Variants in MIPEP observed in about 807,000 individuals in gnomAD.
MIPEP encodes the protein mitochondrial intermediate peptidase.
MIPEP carries 79 observed loss-of-function variants against 90.3 expected under a neutral mutation model. The ratio of observed to expected loss-of-function variants is 0.87; its 90% CI spans 0.73 to 1.05. The LOEUF (loss-of-function observed/expected upper bound fraction) is 1.05, where lower values mean the gene tolerates loss of function less well. Ranked by LOEUF, MIPEP falls within the 50% of genes least tolerant of loss-of-function variation. The probability of loss-of-function intolerance (pLI) is 0.00; values close to 1 mark genes in which losing one functional copy is unlikely to be tolerated. For synonymous variants in MIPEP, 334 were observed against 315.8 expected, an observed-to-expected ratio of 1.06 and a Z score of -0.61; for missense variants, 940 against 905.6, an observed-to-expected ratio of 1.04 and a Z score of -0.49.
chr13:23,847,255 A>G (rs548445845), intron 10 of MIPEP, among the ~76,000 whole-genome samples: 2 of 152,322 alleles, frequency 1.3e-5, no homozygotes, highest in African/African-American at 4.8e-5. Flanking sequence ...CAATGAGAAC[A>G]CTACATCCCT....
At chr13:23,852,579 T>C (rs1342426787) in intron 10 of MIPEP, among the ~76,000 whole-genome samples, 1 of 152,238 alleles carries the variant, frequency 6.6e-6, no homozygotes, top group Non-Finnish European at 1.5e-5. Context: ...GTGGTGATGC[T>C]GGTGTAAACA....
intron 18 of MIPEP, among the ~76,000 whole-genome samples, chr13:23,745,936 A>G (rs910647740): frequency 2.0e-5 from 3 of 151,924 alleles, no homozygotes; most frequent in African/African-American, 7.3e-5. Context: ...TCTCAAAACA[A>G]AACAAAACAA....
At chr13:23,815,304 C>G (rs999661094) in intron 14 of MIPEP, among the ~76,000 whole-genome samples, 1 of 129,978 alleles carries the variant, frequency 7.7e-6, no homozygotes, top group African/African-American at 2.9e-5. Context: ...GAATGTACTT[C>G]CATAGTTTCC....
intron 18 of MIPEP, among the ~76,000 whole-genome samples, chr13:23,752,223 AC>A (rs1952449397): frequency 6.6e-6 from 1 of 152,232 alleles, no homozygotes; most frequent in African/African-American, 2.4e-5. Flanking sequence ...AACATAAAAC[AC>A]AAAAAGACCA....
intron 16 of MIPEP, among the ~76,000 whole-genome samples, chr13:23,774,504 C>A (rs1356549347): frequency 2.0e-5 from 3 of 152,068 alleles, no homozygotes; most frequent in African/African-American, 7.2e-5. Context: ...GGGTGTATTG[C>A]CATCTTTAAC....
In MIPEP at chr13:23,847,056, CATG is replaced by C. The variant is rs1869579331; in HGVS notation, c.1107-5571_1107-5569del. ...GGCCTGAGACCATCCTTTATAACTG[CATG>C]ATAACAGCATGGAAGTTGAAAAAAA... is the stretch of plus-strand genomic sequence containing the variant. On this transcript the variant is annotated intron_variant, in intron 10 of 18. Coordinates refer to ENST00000382172, the MANE Select transcript of MIPEP (RefSeq NM_005932.4). Among the ~76,000 whole-genome samples the C allele has an allele frequency of 2.0e-5, 3 of 152,118 alleles. No individual in the cohort carries two copies. The South Asian group carries it at 6.2e-4, about 32-fold the overall frequency.
At chr13:23,767,620 T>A (rs1952604398) in intron 16 of MIPEP, among the ~76,000 whole-genome samples, 1 of 151,908 alleles carries the variant, frequency 6.6e-6, no homozygotes, top group African/African-American at 2.4e-5. Context: ...CCCAGCTAAT[T>A]TTTTTGTATT....
At chr13:23,844,144 G>C (rs995741174) in intron 10 of MIPEP, among the ~76,000 whole-genome samples, 2 of 149,206 alleles carry the variant, frequency 1.3e-5, no homozygotes, top group Admixed American at 1.3e-4. Context: ...GAGCCATAGA[G>C]GGAGACAGGG....
Position 23,889,123 on chromosome 13 carries a change from G to A in MIPEP, c.189+9C>T. The A allele has an allele frequency of 7.1e-7, 1 of 1,409,166 alleles. No individual in the cohort carries two copies. Among genetic ancestry groups the A allele is most frequent in the African/African-American group, 1.5e-5 (1 of 65,868 alleles). The allele number at this position is 1,409,166 out of a possible 1,614,324, so 87.3% of individuals were successfully genotyped here. ...GGGGACTGAGGGGAGCTCCTCCTGC[G>A]CCGCTCACCCGGCGCTCGCCGAACA... On this transcript the variant is annotated intron_variant, in intron 1 of 18. Coordinates refer to ENST00000382172, the MANE Select transcript of MIPEP (RefSeq NM_005932.4).
At chr13:23,814,320 A>G (rs1359265731) in intron 14 of MIPEP, among the ~76,000 whole-genome samples, 2 of 152,124 alleles carry the variant, frequency 1.3e-5, no homozygotes, top group East Asian at 3.9e-4. Context: ...GCAGTGGCAC[A>G]ATCTCGGCCC....
chr13:23,795,271 G>C (rs1326384615), intron 16 of MIPEP, among the ~76,000 whole-genome samples: 1 of 152,096 alleles, frequency 6.6e-6, no homozygotes, highest in Non-Finnish European at 1.5e-5. Context: ...GAATACTCTG[G>C]AGAGAGAGCA....
At chr13:23,799,234 T>G (rs1953005174) in intron 16 of MIPEP, among the ~76,000 whole-genome samples, 1 of 151,764 alleles carries the variant, frequency 6.6e-6, no homozygotes, top group Non-Finnish European at 1.5e-5. Flanking sequence ...GGTTTCGAAC[T>G]CCTAAGCTCA....
chr13:23,815,297 T>C (rs1350440792), intron 14 of MIPEP, among the ~76,000 whole-genome samples: 1 of 146,512 alleles, frequency 6.8e-6, no homozygotes, highest in East Asian at 2.1e-4. Flanking sequence ...AAATAAGGAA[T>C]GTACTTCCAT....
At chr13:23,809,958 A>G in intron 14 of MIPEP, 34 bp from the exon 15 acceptor site, 1 of 1,394,932 alleles carries the variant, frequency 7.2e-7, no homozygotes, top group Non-Finnish European at 1.0e-6. Context: ...ATGTGAGTAA[A>G]CTGCGTAATA....
At chr13:23,887,721 C>A (rs572976686) in intron 1 of MIPEP, among the ~76,000 whole-genome samples, 2 of 152,270 alleles carry the variant, frequency 1.3e-5, no homozygotes, top group African/African-American at 4.8e-5. Flanking sequence ...AGGTGCTTAA[C>A]GCATAGATTT....
intron 18 of MIPEP, among the ~76,000 whole-genome samples, chr13:23,744,158 T>G (rs970986787): frequency 6.6e-6 from 1 of 152,244 alleles, no homozygotes; most frequent in African/African-American, 2.4e-5. Flanking sequence ...GCCTTTACAT[T>G]CAACAAATCT....
intron 16 of MIPEP, among the ~76,000 whole-genome samples, chr13:23,790,595 A>G (rs956380094): frequency 1.4e-5 from 2 of 142,372 alleles, no homozygotes; most frequent in East Asian, 2.7e-4. Flanking sequence ...AAGGAGGGGG[A>G]GGCAATGTGA....
intron 10 of MIPEP, among the ~76,000 whole-genome samples, chr13:23,854,989 T>G (rs964103958): frequency 6.6e-6 from 1 of 151,732 alleles, no homozygotes; most frequent in Non-Finnish European, 1.5e-5. Context: ...AAAGAAATAG[T>G]GTTTCCAAAG....
intron 16 of MIPEP, among the ~76,000 whole-genome samples, chr13:23,763,597 T>C (rs1237891608): frequency 1.6e-5 from 1 of 63,438 alleles, no homozygotes; most frequent in Non-Finnish European, 3.1e-5. Flanking sequence ...CCTGGTTTCA[T>C]CAGCTCATAA....
Sources: gnomAD v4.1 joint callset for allele counts (sites outside exome capture counted in the v4.1 genomes callset) on GRCh38, gnomAD v4.1.1 for gene constraint, MANE v1.5 for transcripts, NCBI Gene and HGNC (gene_info 2026-07-23, HGNC 2026-07-21) for gene names.